Variants in DLEU7 observed in about 807,000 individuals in gnomAD.
DLEU7 encodes the protein deleted in lymphocytic leukemia 7, also known as leukemia-associated protein 7.
DLEU7 carries 17 observed loss-of-function variants against 16.0 expected under a neutral mutation model. The observed-to-expected ratio is 1.06, with a 90% CI of 0.73 to 1.59. The LOEUF (loss-of-function observed/expected upper bound fraction) is 1.59. Ranked by LOEUF, DLEU7 falls within the 40% of genes most tolerant of loss-of-function variation. DLEU7 has a pLI of 0.00. For missense variants in DLEU7, 308 were observed against 314.9 expected, an observed-to-expected ratio of 0.98 and a Z score of 0.17; for synonymous variants, 113 against 139.8, an observed-to-expected ratio of 0.81 and a Z score of 1.35.
At chr13:50,768,202 A>ATG (rs374194476) in intron 1 of DLEU7, among the ~76,000 whole-genome samples, 1 of 152,104 alleles carries the variant, frequency 6.6e-6, no homozygotes, top group Non-Finnish European at 1.5e-5. Flanking sequence ...TAAATTATGT[A>ATG]TGTGTGTGTG....
rs1219047718 is a variant in DLEU7 at position 50,843,507 on chromosome 13, GAC to G, written c.138_139del (p.Ser47HisfsTer48). The G allele has an allele frequency of 7.1e-7, 1 of 1,403,628 alleles. No homozygotes were observed. Among genetic ancestry groups the G allele is most frequent in the East Asian group, 3.1e-5 (1 of 32,446 alleles). 86.9% of individuals were successfully genotyped at this position (1,403,628 alleles called of 1,614,324 possible). ...GCCTGAGCGACGGGCTGGAGCGGTG[GAC>G]ACGTGGTCTGGGTCCCGCGGGTTCC... On this transcript the variant is annotated frameshift_variant, in exon 1 of 2. Coordinates refer to ENST00000504404, the MANE Select transcript of DLEU7 (RefSeq NM_001306135.2). LOFTEE classifies it high-confidence loss of function. This position sits in a 1 kb window ranked among gnomAD's most constrained non-coding sequence, Gnocchi z 5.7.
intron 1 of DLEU7, among the ~76,000 whole-genome samples, chr13:50,761,936 A>G (rs1874944300): frequency 6.6e-6 from 1 of 152,106 alleles, no homozygotes; most frequent in Admixed American, 6.5e-5. Context: ...CACGCCTGTA[A>G]TCCCAGCACT....
At chr13:50,835,274 C>A (rs1158858216) in intron 1 of DLEU7, among the ~76,000 whole-genome samples, 1 of 152,170 alleles carries the variant, frequency 6.6e-6, no homozygotes, top group Non-Finnish European at 1.5e-5. Context: ...CTCACAGAGC[C>A]AAGCTCAGCC....
intron 1 of DLEU7, among the ~76,000 whole-genome samples, chr13:50,722,638 C>A (rs187645820): frequency 6.6e-6 from 1 of 152,272 alleles, no homozygotes; most frequent in African/African-American, 2.4e-5. Context: ...GCACACTCAG[C>A]AAAATGCTTG....
At chr13:50,829,720 A>C (rs749923765) in intron 1 of DLEU7, among the ~76,000 whole-genome samples, 2 of 152,196 alleles carry the variant, frequency 1.3e-5, no homozygotes, top group African/African-American at 4.8e-5. Context: ...ATTAGCAAAG[A>C]AAACAAATTA....
chr13:50,795,016 A>T (rs1030587900), intron 1 of DLEU7, among the ~76,000 whole-genome samples: 7 of 150,054 alleles, frequency 4.7e-5, no homozygotes, highest in Non-Finnish European at 7.4e-5. Context: ...TCTCCATCTA[A>T]TTAAGAATTA....
intron 1 of DLEU7, among the ~76,000 whole-genome samples, chr13:50,804,045 T>C (rs1876321742): frequency 6.6e-6 from 1 of 152,162 alleles, no homozygotes. Context: ...GAATCCAATA[T>C]TAATTTTTTA....
At chr13:50,793,193 T>G (rs1876014008) in intron 1 of DLEU7, among the ~76,000 whole-genome samples, 1 of 152,208 alleles carries the variant, frequency 6.6e-6, no homozygotes, top group African/African-American at 2.4e-5. Flanking sequence ...CCCGTGTTGC[T>G]GCAAAGGACA....
At chr13:50,754,738 G>T (rs1264869475) in intron 1 of DLEU7, among the ~76,000 whole-genome samples, 1 of 152,054 alleles carries the variant, frequency 6.6e-6, no homozygotes, top group Non-Finnish European at 1.5e-5. Context: ...GTGTACCTTG[G>T]TTTTTTTGTT....
chr13:50,808,648 G>A (rs1292568363), intron 1 of DLEU7: 1 of 152,102 alleles, frequency 6.6e-6, no homozygotes, highest in Non-Finnish European at 1.5e-5. Context: ...TGCTGCTGTT[G>A]AGTAGATGAG....
At chr13:50,737,660 C>G (rs1038341135) in intron 1 of DLEU7, among the ~76,000 whole-genome samples, 1 of 152,086 alleles carries the variant, frequency 6.6e-6, no homozygotes, top group East Asian at 1.9e-4. Context: ...CAATGTTGTG[C>G]GTGTTCCGAC....
intron 1 of DLEU7, among the ~76,000 whole-genome samples, chr13:50,800,264 A>G (rs897131488): frequency 6.6e-6 from 1 of 152,214 alleles, no homozygotes; most frequent in Non-Finnish European, 1.5e-5. Flanking sequence ...GTATCAGAAG[A>G]GTCCTATCTA....
chr13:50,728,730 A>G (rs1333737696), intron 1 of DLEU7, among the ~76,000 whole-genome samples: 1 of 152,160 alleles, frequency 6.6e-6, no homozygotes, highest in African/African-American at 2.4e-5. Context: ...TTCATTTGTG[A>G]TAACTTAGTC....
chr13:50,767,224 G>A lies in DLEU7; in HGVS notation c.460-53984C>T, dbSNP rs529697810. Among the ~76,000 whole-genome samples the A allele has an allele frequency of 1.6e-3, 241 of 152,276 alleles. 4 individuals are homozygous for A. The highest frequency in any genetic ancestry group is 0.01 in the Middle Eastern group (3 of 294). ...TAATCCCAGCACTTTGGGAGGCCGAGGCGGGCAGATCATGAGGTCAGGAGA... is the reference window on the plus strand; with the variant it reads ...TAATCCCAGCACTTTGGGAGGCCGAAGCGGGCAGATCATGAGGTCAGGAGA... On this transcript the variant is annotated intron_variant, in intron 1 of 1. Coordinates refer to the DLEU7 transcript ENST00000400393.
chr13:50,714,292 CCTGT>C (rs1225829849), intron 1 of DLEU7, among the ~76,000 whole-genome samples: 4 of 152,150 alleles, frequency 2.6e-5, no homozygotes, highest in African/African-American at 9.7e-5. Context: ...TATTTTCTGA[CCTGT>C]CTGTCTTCCC....
intron 1 of DLEU7, among the ~76,000 whole-genome samples, chr13:50,759,752 C>G (rs1320402353): frequency 2.0e-5 from 3 of 152,128 alleles, no homozygotes; most frequent in Non-Finnish European, 4.4e-5. Flanking sequence ...AATATTGGAC[C>G]TATTTTAGAT....
chr13:50,831,748 A>G (rs1204315209), intron 1 of DLEU7, among the ~76,000 whole-genome samples: 4 of 152,220 alleles, frequency 2.6e-5, no homozygotes, highest in African/African-American at 9.6e-5. Context: ...ATGAAAAGAA[A>G]TGTGGCTTGG....
intron 1 of DLEU7, among the ~76,000 whole-genome samples, chr13:50,719,880 T>C (rs945197088): frequency 2.6e-5 from 4 of 152,204 alleles, no homozygotes; most frequent in African/African-American, 9.6e-5. Context: ...TCTATTCCTT[T>C]GGAGCTGATG....
chr13:50,812,330 A>G (rs536900130), intron 1 of DLEU7, among the ~76,000 whole-genome samples: 1 of 152,230 alleles, frequency 6.6e-6, no homozygotes, highest in East Asian at 1.9e-4. Flanking sequence ...CTGCTCTGAG[A>G]AACTCCTCTT....
Sources: allele counts gnomAD v4.1 joint callset (sites outside exome capture counted in the v4.1 genomes callset), GRCh38; gene constraint gnomAD v4.1.1; non-coding constraint Gnocchi (gnomAD v3.1); transcripts MANE v1.5; gene names NCBI Gene and HGNC (gene_info 2026-07-23, HGNC 2026-07-21).